Variants in CABP4 observed in about 807,000 individuals in gnomAD.
The protein encoded by CABP4 is calcium-binding protein 4.
Under a neutral mutation model 30.7 loss-of-function variants are expected in CABP4, and 30 were observed. The observed-to-expected ratio is 0.98, with a 90% confidence interval of 0.73 to 1.33. The LOEUF (loss-of-function observed/expected upper bound fraction) is 1.33. CABP4 is among the 40% of genes most tolerant of loss of function. CABP4 has a pLI of 0.00. For synonymous variants in CABP4, 161 were observed against 159.2 expected (o/e 1.01, Z -0.08); for missense variants, 424 against 395.5 (o/e 1.07, Z -0.61).
At position 67,458,400 on chromosome 11, in the gene CABP4, G is replaced by A. The variant is rs1158715589; in HGVS notation, c.681G>A (p.Thr227=). The part of the protein sequence containing the change: ...EFDRDRDGRI[T]VAELREAVPA... ...ACAGGGACAGGGATGGACGAATTAC[G>A]GTGGCGGAGCTGCGGGAGGCGGTAC... is the stretch of plus-strand genomic sequence containing the variant. Residue 227 remains threonine (T), a synonymous_variant, in exon 5 of 6, where the codon ACG becomes ACA. Transcript: ENST00000325656. 5.0e-6 allele frequency: 8 copies of A among 1,613,206 alleles called. No individual in the cohort carries two copies. Among genetic ancestry groups the A allele is most frequent in the Non-Finnish European group, 5.9e-6 (7 of 1,179,460 alleles).
At chr11:67,456,082 C>G (rs760011516) in intron 1 of CABP4, 106 bp from the exon 2 acceptor site, 12 of 1,607,624 alleles carry the variant, frequency 7.5e-6, no homozygotes, top group Admixed American at 3.3e-5. Context: ...TTTTCCTACT[C>G]TGATGGGGCT....
At position 67,455,537 on chromosome 11, in the gene CABP4, C is replaced by A. The variant is rs1378247926; in HGVS notation, c.114C>A (p.Thr38=). The A allele has an allele frequency of 1.2e-6, 2 of 1,603,316 alleles. No homozygotes were observed. The highest frequency in any genetic ancestry group is 2.2e-5 in the East Asian group (1 of 44,614). Reference sequence around the variant, plus strand: ...GTGATGCAGAGGAGCCCCCGTTGACCAGGAAGAGGAGCAAGAAGGAGAGGG... The same window carrying A: ...GTGATGCAGAGGAGCCCCCGTTGACAAGGAAGAGGAGCAAGAAGGAGAGGG... ...PKSDAEEPPL[T]RKRSKKERGL... The change falls in exon 1 of 6, where the codon ACC becomes ACA. Residue 38 remains threonine, a synonymous_variant. Transcript: ENST00000325656.
At position 67,455,465 on chromosome 11, in the gene CABP4, G is replaced by C. The variant is rs1216850071; in HGVS notation, c.42G>C (p.Leu14=). Reference sequence around the variant, plus strand: ...CAAGGGGGCAGCAGGGCCCAAATCTGGCCATTGGCCGTCAGAAGCCCCCTG... The same window carrying C: ...CAAGGGGGCAGCAGGGCCCAAATCTCGCCATTGGCCGTCAGAAGCCCCCTG... ...EQARGQQGPN[L]AIGRQKPPAG... Residue 14 remains leucine, a synonymous_variant, in exon 1 of 6, where the codon CTG becomes CTC. Coordinates refer to ENST00000325656, the MANE Select transcript of CABP4 (RefSeq NM_145200.5). 3.7e-6 allele frequency: 6 copies of C among 1,611,542 alleles called. No homozygotes were observed. In the Admixed American group the frequency reaches 1.0e-4, roughly 27 times the overall value.
chr11:67,453,861 G>C (rs1249239089), upstream of CABP4, among the ~76,000 whole-genome samples: 1 of 152,082 alleles, frequency 6.6e-6, no homozygotes, highest in East Asian at 1.9e-4. Flanking sequence ...AAGAAGGGAG[G>C]GCTCTGGTTC....
upstream of CABP4, chr11:67,452,458 T>C (rs1864595355): frequency 1.2e-6 from 2 of 1,612,336 alleles, no homozygotes; most frequent in African/African-American, 1.3e-5. Context: ...GCCGGATCTC[T>C]AGGATCTGGA....
rs1352506878 is a variant in CABP4 at position 67,461,235 on chromosome 11, CA to C, written c.*2577del. On this transcript the variant is annotated 3_prime_UTR_variant, in exon 6 of 6. Transcript: ENST00000325656. The stretch of plus-strand genomic sequence containing the variant: ...ATTTGAGCCCAGGAGTTGGAGGCTG[CA>C]GTGATCGTGCCACTGCACTCCAGCC... Among the ~76,000 whole-genome samples, 1 of 152,186 alleles carries C rather than the reference CA, an allele frequency of 6.6e-6. No individual in the cohort carries two copies. Among genetic ancestry groups the C allele is most frequent in the Non-Finnish European group, 1.5e-5 (1 of 68,040 alleles).
At position 67,459,973 on chromosome 11, in the gene CABP4, T is replaced by C. The variant is rs1189929826; in HGVS notation, c.*1314T>C. The stretch of plus-strand genomic sequence containing the variant: ...CAAAAACAAAACAAAAAAACCATAC[T>C]GATTATAAAAGTAAAGAAACCACCA... On this transcript the variant is annotated 3_prime_UTR_variant, in exon 6 of 6. Transcript: ENST00000325656. The C allele has an allele frequency of 6.6e-6, 1 of 151,758 alleles. No homozygotes were observed. The highest frequency in any genetic ancestry group is 1.5e-5 in the Non-Finnish European group (1 of 67,980). 9.4% of individuals were successfully genotyped at this position (151,758 alleles called of 1,614,324 possible).
In CABP4 at chr11:67,458,370, G is replaced by T; in HGVS notation, c.652-1G>T. ...GGGGCTGAGCTTTGCGGGGACCTTA[G>T]TTTGACAGGGACAGGGATGGACGAA... On this transcript the variant is annotated splice_acceptor_variant, in intron 4 of 5. Transcript: ENST00000325656. LOFTEE classifies it high-confidence loss of function. 6.2e-7 allele frequency: 1 copy of T among 1,604,908 alleles called. No homozygotes were observed. The highest frequency in any genetic ancestry group is 8.5e-7 in the Non-Finnish European group (1 of 1,173,138).
In CABP4 at chr11:67,455,601, G is replaced by A. The variant is rs774245568; in HGVS notation, c.178G>A (p.Glu60Lys). 3 of 1,606,694 alleles carry A rather than the reference G, an allele frequency of 1.9e-6. No homozygotes were observed. The highest frequency in any genetic ancestry group is 2.5e-6 in the Non-Finnish European group (3 of 1,177,818). The change falls in exon 1 of 6, where the codon GAG becomes AAG. Residue 60 changes from glutamate to lysine, a missense_variant. Glu to Lys is a moderately conservative substitution (Grantham distance 56). Coordinates refer to ENST00000325656, the MANE Select transcript of CABP4 (RefSeq NM_145200.5). ...TCGAAAGCGCACTGGCAGCTCTGGGGAGCAGACAGGCCCCGAGGCCCCGGG... is the reference window on the plus strand; with the variant it reads ...TCGAAAGCGCACTGGCAGCTCTGGGAAGCAGACAGGCCCCGAGGCCCCGGG... ...GSRKRTGSSG[E>K]QTGPEAPGSS...
rs1474534667 is a variant in CABP4 at position 67,461,497 on chromosome 11, C to CAGA, written c.*2840_*2842dup. Among the ~76,000 whole-genome samples, 1 of 152,188 alleles carries CAGA rather than the reference C, an allele frequency of 6.6e-6. No homozygotes were observed. Among genetic ancestry groups the CAGA allele is most frequent in the Non-Finnish European group, 1.5e-5 (1 of 68,020 alleles). On this transcript the variant is annotated 3_prime_UTR_variant, in exon 6 of 6. Coordinates refer to ENST00000325656, the MANE Select transcript of CABP4 (RefSeq NM_145200.5). Reference sequence around the variant, plus strand: ...ATCTGGATATATCCCATTGAAACCACAGAATATAAAAAGCAAATCTTATAA... The same window carrying CAGA: ...ATCTGGATATATCCCATTGAAACCACAGAAGAATATAAAAAGCAAATCTTATAA...
intron 4 of CABP4, 88 bp from the exon 5 acceptor site, chr11:67,458,283 A>C: frequency 9.5e-7 from 1 of 1,049,082 alleles, no homozygotes. Context: ...AATAAATAAA[A>C]TAAAATAAAA....
In CABP4 at chr11:67,458,651, C is replaced by G. The variant is rs202142799; in HGVS notation, c.820C>G (p.Arg274Gly). 90 of 1,614,052 alleles carry G rather than the reference C, an allele frequency of 5.6e-5. No homozygotes were observed. The Admixed American group carries it at 1.4e-3, about 26-fold the overall frequency. Residue 274 changes from arginine to glycine, a missense_variant, in exon 6 of 6, where the codon CGC (arginine) becomes GGC (glycine). By Grantham distance (125) the Arg-to-Gly change is moderately radical. Transcript: ENST00000325656. ...CGCAGAGTTTGTGATGATGCTCTCCCGCCACTGAGGCTCCAGGAGGGAATA... is the reference window on the plus strand; with the variant it reads ...CGCAGAGTTTGTGATGATGCTCTCCGGCCACTGAGGCTCCAGGAGGGAATA... ...DFDEFVMMLS[R>G]H
In CABP4 at chr11:67,458,393, G is replaced by C. The variant is rs200848734; in HGVS notation, c.674G>C (p.Arg225Pro). The change falls in exon 5 of 6, where the codon CGA becomes CCA. Residue 225 changes from arginine (R) to proline (P), a missense_variant. Coordinates refer to ENST00000325656, the MANE Select transcript of CABP4 (RefSeq NM_145200.5). ...TAGTTTGACAGGGACAGGGATGGAC[G>C]AATTACGGTGGCGGAGCTGCGGGAG... ...FREFDRDRDG[R>P]ITVAELREAV... 19 of 1,612,688 alleles carry C rather than the reference G, an allele frequency of 1.2e-5. No individual in the cohort carries two copies. Among genetic ancestry groups the C allele is most frequent in the Non-Finnish European group, 1.6e-5 (19 of 1,179,138 alleles).
In CABP4 at chr11:67,458,748, G is replaced by A. The variant is rs1200358058; in HGVS notation, c.*89G>A. 7.2e-6 allele frequency: 11 copies of A among 1,517,788 alleles called. No homozygotes were observed. The Admixed American group carries it at 1.0e-4, about 14-fold the overall frequency. The allele number at this position is 1,517,788 out of a possible 1,614,324, so 94.0% of individuals were successfully genotyped here. ...GCCTCCCCCAGGAGCCTCCAGGATG[G>A]AGATGGAGACCCAGCAGCCCCCAGA... On this transcript the variant is annotated 3_prime_UTR_variant, in exon 6 of 6. Coordinates refer to ENST00000325656, the MANE Select transcript of CABP4 (RefSeq NM_145200.5).
At chr11:67,456,556 G>T in intron 3 of CABP4, 114 bp downstream of exon 3, 10 of 1,362,748 alleles carry the variant, frequency 7.3e-6, no homozygotes, top group Non-Finnish European at 1.0e-5. Context: ...GTGAGGGAGG[G>T]TGGCGGTTTC....
Position 67,456,454 on chromosome 11 carries a change from A to AGCCC in CABP4, c.541+22_541+25dup, listed in dbSNP as rs1345348495. The AGCCC allele has an allele frequency of 6.8e-6, 11 of 1,606,430 alleles. No individual in the cohort carries two copies. Among genetic ancestry groups the AGCCC allele is most frequent in the African/African-American group, 1.3e-5 (1 of 74,406 alleles). On this transcript the variant is annotated intron_variant, in intron 3 of 5. Coordinates refer to ENST00000325656, the MANE Select transcript of CABP4 (RefSeq NM_145200.5). The stretch of plus-strand genomic sequence containing the variant: ...CATCAAGATGCGCAGTCAGTCAGGG[A>AGCCC]GCCCGCCCGCCCGGGCAGCCTGCGT...
Position 67,458,676 on chromosome 11 carries a change from ATC to A in CABP4, c.*19_*20del. The stretch of plus-strand genomic sequence containing the variant: ...CGCCACTGAGGCTCCAGGAGGGAAT[ATC>A]TGTTGCCCCTGCGGCCCCAGACACC... On this transcript the variant is annotated 3_prime_UTR_variant, in exon 6 of 6. Coordinates refer to ENST00000325656, the MANE Select transcript of CABP4 (RefSeq NM_145200.5). 6.2e-7 allele frequency: 1 copy of A among 1,613,872 alleles called. No individual in the cohort carries two copies. Among genetic ancestry groups the A allele is most frequent in the Non-Finnish European group, 8.5e-7 (1 of 1,180,016 alleles).
chr11:67,455,862 C>T, intron 1 of CABP4, 73 bp downstream of exon 1: 1 of 1,510,780 alleles, frequency 6.6e-7, no homozygotes, highest in Non-Finnish European at 8.9e-7. Context: ...GCTCAGCTCA[C>T]CCTGCCCCTG....
Position 67,456,426 on chromosome 11 carries a change from G to A in CABP4, c.525G>A (p.Gln175=). Residue 175 remains glutamine (Q), a synonymous_variant, in exon 3 of 6, where the codon CAG becomes CAA. Transcript: ENST00000325656. ...AGATGGAGCTCCTGGAGGTCTCGCA[G>A]CACATCAAGATGCGCAGTCAGTCAG... ...PTEMELLEVS[Q]HIKMRMGGRV... 1 of 1,611,800 alleles carries A rather than the reference G, an allele frequency of 6.2e-7. No individual in the cohort carries two copies. Among genetic ancestry groups the A allele is most frequent in the South Asian group, 1.1e-5 (1 of 91,080 alleles).
Sources: allele counts gnomAD v4.1 joint callset (sites outside exome capture counted in the v4.1 genomes callset), GRCh38; gene constraint gnomAD v4.1.1; transcripts MANE v1.5; gene names NCBI Gene and HGNC (gene_info 2026-07-23, HGNC 2026-07-21).